ZFP82: variants seen among roughly 807,000 people sequenced by gnomAD.
ZFP82 encodes ZFP82 zinc finger protein, also known as zinc finger protein 82 homolog.
In ZFP82, 30 loss-of-function variants were observed where a neutral mutation model predicts 54.0. The observed-to-expected ratio is 0.56, with a 90% CI of 0.42 to 0.75. ZFP82 has a LOEUF of 0.75. ZFP82 is among the 30% of genes least tolerant of loss of function. The probability of loss-of-function intolerance (pLI) is 0.00; values close to 1 mark genes in which losing one functional copy is unlikely to be tolerated. For synonymous variants in ZFP82, 194 were observed against 209.5 expected, an observed-to-expected ratio of 0.93 and a Z score of 0.64; for missense variants, 500 against 636.8, an observed-to-expected ratio of 0.79 and a Z score of 2.31.
chr19:36,402,567 G>A (rs1435392031), intron 4 of ZFP82, among the ~76,000 whole-genome samples: 2 of 151,304 alleles, frequency 1.3e-5, no homozygotes, highest in African/African-American at 4.9e-5. Context: ...ATTACAAACA[G>A]TGTAGGCACT....
downstream of ZFP82, among the ~76,000 whole-genome samples, chr19:36,387,772 G>A (rs895006177): frequency 1.3e-5 from 2 of 152,066 alleles, no homozygotes; most frequent in Non-Finnish European, 1.5e-5. Flanking sequence ...GCGCCACCAT[G>A]CCTGGCTAAT....
rs77560450 is a variant in ZFP82, at chr19:36,405,574, C to T, written c.229+6G>A. 7,367 of 1,606,104 alleles carry T rather than the reference C, an allele frequency of 4.6e-3. 190 individuals carry two copies. In the African/African-American group the frequency reaches 0.076, roughly 17 times the overall value. Reference sequence around the variant, plus strand: ...GATGGCTTCTTCCTGCCCAACTAGCCCTCACCTGGATATTGTCTTCTTCCT... The same window carrying T: ...GATGGCTTCTTCCTGCCCAACTAGCTCTCACCTGGATATTGTCTTCTTCCT... On this transcript the variant is annotated splice_donor_region_variant and intron_variant, in intron 4 of 4. Transcript: ENST00000392161.
Position 36,414,096 on chromosome 19 carries a change from T to A in ZFP82, c.-78-4229A>T, listed in dbSNP as rs572799064. Among the ~76,000 whole-genome samples, 4 of 151,954 alleles carry A rather than the reference T, an allele frequency of 2.6e-5. No homozygotes were observed. The South Asian group carries it at 8.3e-4, about 32-fold the overall frequency. On this transcript the variant is annotated intron_variant, in intron 1 of 4. Transcript: ENST00000392161. Reference sequence around the variant, plus strand: ...TTTGTATTTTTAGTAGAGACGGGGTTTCACCATGTTAGCCAACATAGTCTC... The same window carrying A: ...TTTGTATTTTTAGTAGAGACGGGGTATCACCATGTTAGCCAACATAGTCTC...
intron 4 of ZFP82, among the ~76,000 whole-genome samples, chr19:36,400,806 T>C (rs1328365890): frequency 6.6e-6 from 1 of 152,190 alleles, no homozygotes; most frequent in African/African-American, 2.4e-5. Context: ...ACAACCCTAT[T>C]TCCCAGCTTC....
chr19:36,404,862 CT>C (rs2032453235), intron 4 of ZFP82, among the ~76,000 whole-genome samples: 1 of 152,162 alleles, frequency 6.6e-6, no homozygotes, highest in Non-Finnish European at 1.5e-5. Context: ...AATGTATGAA[CT>C]TTGTCATTCT....
Position 36,393,680 on chromosome 19 carries a change from A to G in ZFP82, c.660T>C (p.His220=). Reference sequence around the variant, plus strand: ...TACATTCATAGAGTTTTTCACCAGAATGAAGTCTCTGATGTCGAGTAAGGT... The same window carrying G: ...TACATTCATAGAGTTTTTCACCAGAGTGAAGTCTCTGATGTCGAGTAAGGT... ...TAHLTRHQRL[H]SGEKLYECKE... Residue 220 remains histidine (H), a synonymous_variant, in exon 5 of 5, where the codon CAT becomes CAC. Transcript: ENST00000392161. The G allele has an allele frequency of 3.1e-6, 5 of 1,614,172 alleles. No homozygotes were observed. Among genetic ancestry groups the G allele is most frequent in the Non-Finnish European group, 1.7e-6 (2 of 1,180,038 alleles).
At chr19:36,388,566 A>C (rs2145574780), downstream of ZFP82, among the ~76,000 whole-genome samples, 1 of 152,230 alleles carries the variant, frequency 6.6e-6, no homozygotes, top group African/African-American at 2.4e-5. Flanking sequence ...GAAACATTGA[A>C]ATATATGTAT....
intron 4 of ZFP82, 72 bp downstream of exon 4, chr19:36,405,508 A>G: frequency 8.7e-7 from 1 of 1,154,270 alleles, no homozygotes; most frequent in Non-Finnish European, 1.3e-6. Flanking sequence ...AAACAACATA[A>G]GGATGTGTCT....
chr19:36,392,657 C>T lies in ZFP82; in HGVS notation c.*84G>A. ...TTTAATGGTATAAAACCTCTAATGC[C>T]AACGCAGTTGCATGTATGGAGCAAA... On this transcript the variant is annotated 3_prime_UTR_variant, in exon 5 of 5. Coordinates refer to ENST00000392161, the MANE Select transcript of ZFP82 (RefSeq NM_133466.4). The T allele has an allele frequency of 8.2e-7, 1 of 1,220,574 alleles. No homozygotes were observed. The highest frequency in any genetic ancestry group is 1.1e-6 in the Non-Finnish European group (1 of 904,814). The allele number at this position is 1,220,574 out of a possible 1,614,324, so 75.6% of individuals were successfully genotyped here.
downstream of ZFP82, among the ~76,000 whole-genome samples, chr19:36,385,182 G>A (rs567495903): frequency 1.9e-4 from 29 of 152,238 alleles, no homozygotes; most frequent in South Asian, 2.3e-3. Flanking sequence ...TTGTTATCAC[G>A]TGAGTGGGTT....
chr19:36,392,988 T>G lies in ZFP82; in HGVS notation c.1352A>C (p.Lys451Thr). ...QSIHIGEKPY[K>T]CKECGKAFRL... Reference sequence around the variant, plus strand: ...AAAGGCCTTGCCACATTCCTTACATTTATAAGGTTTCTCACCAATATGAAT... The same window carrying G: ...AAAGGCCTTGCCACATTCCTTACATGTATAAGGTTTCTCACCAATATGAAT... Residue 451 changes from lysine (K) to threonine (T), a missense_variant, in exon 5 of 5, where the codon AAA becomes ACA. Coordinates refer to ENST00000392161, the MANE Select transcript of ZFP82 (RefSeq NM_133466.4). 2 of 1,614,190 alleles carry G rather than the reference T, an allele frequency of 1.2e-6. No homozygotes were observed. Among genetic ancestry groups the G allele is most frequent in the South Asian group, 1.1e-5 (1 of 91,084 alleles).
intron 4 of ZFP82, among the ~76,000 whole-genome samples, chr19:36,398,811 G>C (rs956311434): frequency 6.6e-6 from 1 of 151,994 alleles, no homozygotes; most frequent in Non-Finnish European, 1.5e-5. Context: ...TCATGTTCCT[G>C]ATTTTTTTTA....
downstream of ZFP82, chr19:36,383,669 A>G: frequency 6.6e-6 from 1 of 152,152 alleles, no homozygotes; most frequent in Non-Finnish European, 1.5e-5. Context: ...GAAAACCAAG[A>G]GTCTAGTAAA....
At chr19:36,412,636 T>C (rs965385955) in intron 1 of ZFP82, among the ~76,000 whole-genome samples, 2 of 152,198 alleles carry the variant, frequency 1.3e-5, no homozygotes, top group Non-Finnish European at 2.9e-5. Flanking sequence ...TCTGAAAGAG[T>C]TGTTTTAGCC....
rs537046375 is a variant in ZFP82, at chr19:36,397,897, A to G, written c.230-3787T>C. Among the ~76,000 whole-genome samples the G allele has an allele frequency of 7.9e-5, 12 of 152,238 alleles. No individual in the cohort carries two copies. The South Asian group carries it at 1.7e-3, about 21-fold the overall frequency. ...AACCATACCCAGCCTAAAATGGATA[A>G]TTTTTTAGAAAAATATAATTTATCA... is the stretch of plus-strand genomic sequence containing the variant. On this transcript the variant is annotated intron_variant, in intron 4 of 4. Coordinates refer to ENST00000392161, the MANE Select transcript of ZFP82 (RefSeq NM_133466.4).
chr19:36,393,507 C>A lies in ZFP82; in HGVS notation c.833G>T (p.Gly278Val), dbSNP rs1388380918. 6 of 1,614,168 alleles carry A rather than the reference C, an allele frequency of 3.7e-6. No homozygotes were observed. The highest frequency in any genetic ancestry group is 5.1e-6 in the Non-Finnish European group (6 of 1,180,026). ...QLTLHQRIHT[G>V]EKPYVCKECG... ...CTCTTTACACACATAGGGTTTCTCA[C>A]CAGTATGAATCCTCTGATGCAGAGT... Residue 278 changes from glycine to valine, a missense_variant, in exon 5 of 5, where the codon GGT (glycine) becomes GTT (valine). By Grantham distance (109) the Gly-to-Val change is moderately radical. Transcript: ENST00000392161.
At chr19:36,412,381 GAT>G in intron 1 of ZFP82, among the ~76,000 whole-genome samples, 1 of 152,240 alleles carries the variant, frequency 6.6e-6, no homozygotes, top group East Asian at 1.9e-4. Flanking sequence ...AGGTTAAAGA[GAT>G]AGTTTTTAAA....
intron 4 of ZFP82, among the ~76,000 whole-genome samples, chr19:36,402,468 C>CAAAAAAAAAAAAAAAAAAAAAAA (rs377338348): frequency 3.5e-5 from 2 of 57,442 alleles, no homozygotes; most frequent in Non-Finnish European, 6.0e-5. Flanking sequence ...GACTCCATCT[C>CAAAAAAAAAAAAAAAAAAAAAAA]AAAAAAAAAA....
chr19:36,385,149 ATGT>A (rs1169704888), downstream of ZFP82, among the ~76,000 whole-genome samples: 2 of 152,112 alleles, frequency 1.3e-5, no homozygotes, highest in Non-Finnish European at 2.9e-5. Context: ...GAATGGATTA[ATGT>A]TGTTACCACA....
Sources: allele counts gnomAD v4.1 joint callset (sites outside exome capture counted in the v4.1 genomes callset), GRCh38; gene constraint gnomAD v4.1.1; transcripts MANE v1.5; gene names NCBI Gene and HGNC (gene_info 2026-07-23, HGNC 2026-07-21).